Variants in ATP2B2 observed in about 807,000 individuals in gnomAD.
ATP2B2 encodes the protein ATPase plasma membrane Ca2+ transporting 2.
ATP2B2 carries 15 observed loss-of-function variants against 120.0 expected under a neutral mutation model. The ratio of observed to expected loss-of-function variants is 0.12; its 90% CI spans 0.08 to 0.19. The LOEUF (loss-of-function observed/expected upper bound fraction) is 0.19, where lower values mean the gene tolerates loss of function less well. ATP2B2 is among the 10% of genes least tolerant of loss of function. The probability of loss-of-function intolerance (pLI) is 1.00; values close to 1 mark genes in which losing one functional copy is unlikely to be tolerated. For synonymous variants in ATP2B2, 694 were observed against 700.3 expected (o/e 0.99, Z 0.14); for missense variants, 1,045 against 1,719.8 (o/e 0.61, Z 6.94).
chr3:10,697,984 G>A (rs35421149), intron 1 of ATP2B2, among the ~76,000 whole-genome samples: 4,975 of 152,306 alleles, frequency 0.033, 138 homozygotes, highest in South Asian at 0.13. Context: ...GAGAGTCAGC[G>A]TACAGTTGGG....
In ATP2B2 at chr3:10,324,041, TTTA is replaced by T. The variant is rs1447052057; in HGVS notation, c.*4770_*4772del. On this transcript the variant is annotated 3_prime_UTR_variant, in exon 23 of 23. Coordinates refer to ENST00000360273, the MANE Select transcript of ATP2B2 (RefSeq NM_001001331.4). ...CCGTGTCTGCATTTCCACGTGTGCA[TTTA>T]TTGTTATTGCTCAGTATAGTGTTGA... 6.6e-6 allele frequency: 1 copy of T among 152,088 alleles called. No individual in the cohort carries two copies. The highest frequency in any genetic ancestry group is 1.5e-5 in the Non-Finnish European group (1 of 68,020). The allele number at this position is 152,088 out of a possible 1,614,324, so 9.4% of individuals were successfully genotyped here.
At chr3:10,371,577 C>G (rs73129301) in intron 12 of ATP2B2, among the ~76,000 whole-genome samples, 1 of 152,076 alleles carries the variant, frequency 6.6e-6, no homozygotes, top group Non-Finnish European at 1.5e-5. Context: ...GGGGGTTCAA[C>G]GACAGGATTT....
chr3:10,457,636 ATG>A (rs997510449), intron 1 of ATP2B2, among the ~76,000 whole-genome samples: 1 of 152,070 alleles, frequency 6.6e-6, no homozygotes, highest in African/African-American at 2.4e-5. Context: ...AAGCCCCATG[ATG>A]TGTGAGTGTC....
intron 1 of ATP2B2, among the ~76,000 whole-genome samples, chr3:10,679,557 G>A (rs1229581040): frequency 6.6e-6 from 1 of 152,168 alleles, no homozygotes; most frequent in Non-Finnish European, 1.5e-5. Flanking sequence ...AGTCAGGAGG[G>A]GCCAACACTG....
chr3:10,563,504 G>A (rs1291181901), intron 2 of ATP2B2, among the ~76,000 whole-genome samples: 1 of 152,258 alleles, frequency 6.6e-6, no homozygotes, highest in Non-Finnish European at 1.5e-5. Context: ...GTTGGTTTGG[G>A]GTTGACGTGT....
chr3:10,661,191 A>G (rs1483395582), intron 1 of ATP2B2, among the ~76,000 whole-genome samples: 2 of 152,074 alleles, frequency 1.3e-5, no homozygotes, highest in African/African-American at 4.8e-5. Flanking sequence ...CTGGCACAAG[A>G]CAAGGATGCC....
intron 2 of ATP2B2, among the ~76,000 whole-genome samples, chr3:10,584,569 T>G (rs1174057019): frequency 6.6e-6 from 1 of 152,158 alleles, no homozygotes; most frequent in Non-Finnish European, 1.5e-5. Context: ...AGAGCTGAGC[T>G]GCCCGCTCTT....
chr3:10,401,178 G>A, intron 4 of ATP2B2, 100 bp from the exon 5 acceptor site: 2 of 1,490,024 alleles, frequency 1.3e-6, no homozygotes, highest in South Asian at 2.4e-5. Flanking sequence ...TTTGCCATCA[G>A]GGACAGAATG....
At chr3:10,514,229 GT>G (rs2066832009) in intron 3 of ATP2B2, among the ~76,000 whole-genome samples, 1 of 152,178 alleles carries the variant, frequency 6.6e-6, no homozygotes, top group Admixed American at 6.5e-5. Context: ...CCTGTGATAG[GT>G]CTGGGGAACA....
At chr3:10,597,958 G>C (rs1195494783) in intron 2 of ATP2B2, among the ~76,000 whole-genome samples, 1 of 152,102 alleles carries the variant, frequency 6.6e-6, no homozygotes, top group Non-Finnish European at 1.5e-5. Context: ...CACATTTCGG[G>C]AGCCGATTTG....
At chr3:10,381,855 T>C (rs2125549342) in intron 8 of ATP2B2, among the ~76,000 whole-genome samples, 1 of 152,254 alleles carries the variant, frequency 6.6e-6, no homozygotes, top group South Asian at 2.1e-4. Flanking sequence ...AGTGCATGGA[T>C]TGGGAGGATT....
chr3:10,560,052 C>A (rs945225691), intron 2 of ATP2B2, among the ~76,000 whole-genome samples: 1 of 152,190 alleles, frequency 6.6e-6, no homozygotes, highest in Non-Finnish European at 1.5e-5. Context: ...ACTTCTCAAA[C>A]CTTAACAGTT....
At chr3:10,424,314 A>G (rs1306398044) in intron 2 of ATP2B2, among the ~76,000 whole-genome samples, 1 of 152,178 alleles carries the variant, frequency 6.6e-6, no homozygotes. Flanking sequence ...GAGGCTCCGA[A>G]CTGTACTGTC....
intron 2 of ATP2B2, among the ~76,000 whole-genome samples, chr3:10,603,884 G>T (rs2068992141): frequency 6.6e-6 from 1 of 152,108 alleles, no homozygotes; most frequent in Admixed American, 6.5e-5. Context: ...GGTCTTTTGG[G>T]TCCCTGGAGG....
At chr3:10,676,641 A>G (rs2071252528) in intron 1 of ATP2B2, among the ~76,000 whole-genome samples, 1 of 152,198 alleles carries the variant, frequency 6.6e-6, no homozygotes, top group East Asian at 1.9e-4. Context: ...ATATTTCTCC[A>G]ATAAACAGAA....
rs6805382 is a variant in ATP2B2, at chr3:10,387,693, C to T, written c.907+584G>A. ...GGTCAGCTCGCTGCATTGAGGAGAG[C>T]CCAGTGAATAAGGAATCTTATTTTC... On this transcript the variant is annotated intron_variant, in intron 6 of 22. Transcript: ENST00000360273. Among the ~76,000 whole-genome samples, 329 of 152,216 alleles carry T rather than the reference C, an allele frequency of 2.2e-3. 2 individuals carry two copies. The highest frequency in any genetic ancestry group is 7.6e-3 in the African/African-American group (316 of 41,536).
intron 8 of ATP2B2, among the ~76,000 whole-genome samples, chr3:10,382,378 ACTCTGTCTCCT>A (rs2061556573): frequency 7.2e-6 from 1 of 138,398 alleles, no homozygotes; most frequent in East Asian, 2.2e-4. Flanking sequence ...ACAGAGTCTC[ACTCTGTCTCCT>A]AGGCTGGAGT....
chr3:10,530,043 A>G (rs1313487063), intron 3 of ATP2B2, among the ~76,000 whole-genome samples: 6 of 152,214 alleles, frequency 3.9e-5, no homozygotes, highest in Non-Finnish European at 8.8e-5. Context: ...AACGTGAGAC[A>G]ACACATTTCT....
chr3:10,607,704 G>A (rs1022183412), intron 2 of ATP2B2, among the ~76,000 whole-genome samples: 5 of 152,218 alleles, frequency 3.3e-5, no homozygotes, highest in Admixed American at 2.6e-4. Context: ...CCCAAGCAGC[G>A]AGGGCCAAGC....
Sources: allele counts gnomAD v4.1 joint callset (sites outside exome capture counted in the v4.1 genomes callset), GRCh38; gene constraint gnomAD v4.1.1; transcripts MANE v1.5; gene names NCBI Gene and HGNC (gene_info 2026-07-23, HGNC 2026-07-21).